The following PCDH7 variants were observed in gnomAD, a reference collection of about 807,000 sequenced individuals.
The protein encoded by PCDH7 is protocadherin-7.
A neutral mutation model predicts 58.9 loss-of-function variants in PCDH7; 17 were observed. The observed-to-expected ratio is 0.29, with a 90% CI of 0.20 to 0.43. The LOEUF is 0.43. Among genes scored for constraint, PCDH7 ranks in the 20% least tolerant of loss-of-function variants. PCDH7 has a pLI of 1.00. For synonymous variants in PCDH7, 664 were observed against 616.4 expected (o/e 1.08, Z -1.14); for missense variants, 1,274 against 1,441.0 (o/e 0.88, Z 1.88).
chr4:30,985,900 G>T (rs974782586), intron 3 of PCDH7, among the ~76,000 whole-genome samples: 1 of 151,888 alleles, frequency 6.6e-6, no homozygotes, highest in African/African-American at 2.4e-5. Context: ...ATCTCTTTTG[G>T]TTTATTTAGA....
intron 3 of PCDH7, among the ~76,000 whole-genome samples, chr4:30,994,656 G>A (rs4607173): frequency 0.47 from 71,667 of 151,776 alleles, 17,279 homozygotes; most frequent in East Asian, 0.73. Context: ...TTAACATTTA[G>A]GTTTCTGTGT....
At chr4:30,826,149 C>T (rs941392910) in intron 1 of PCDH7, among the ~76,000 whole-genome samples, 2 of 152,070 alleles carry the variant, frequency 1.3e-5, no homozygotes, top group East Asian at 1.9e-4. Flanking sequence ...CTATTCCATT[C>T]GATAACCTCA....
At chr4:30,736,825 C>T (rs929700126), downstream of PCDH7, among the ~76,000 whole-genome samples, 3 of 151,962 alleles carry the variant, frequency 2.0e-5, no homozygotes, top group African/African-American at 7.3e-5. Context: ...CGTGAGCCAC[C>T]GCGCCCGGCC....
intron 1 of PCDH7, among the ~76,000 whole-genome samples, chr4:30,901,151 T>A (rs1740166654): frequency 6.6e-6 from 1 of 152,124 alleles, no homozygotes; most frequent in Non-Finnish European, 1.5e-5. Context: ...GTAAATAAAG[T>A]GAATGAGAAG....
intron 2 of PCDH7, among the ~76,000 whole-genome samples, chr4:30,946,279 A>G (rs1421035126): frequency 1.3e-5 from 2 of 152,170 alleles, no homozygotes; most frequent in Non-Finnish European, 2.9e-5. Flanking sequence ...ATGTTTAATA[A>G]CGTAAGCAGA....
chr4:30,856,514 G>A (rs1352070174), intron 1 of PCDH7, among the ~76,000 whole-genome samples: 2 of 151,932 alleles, frequency 1.3e-5, no homozygotes, highest in Non-Finnish European at 2.9e-5. Context: ...ATTAAAAATG[G>A]AATCTGTATT....
At chr4:31,091,577 G>C (rs77267187) in intron 3 of PCDH7, among the ~76,000 whole-genome samples, 2,103 of 151,750 alleles carry the variant, frequency 0.014, 62 homozygotes, top group African/African-American at 0.047. Flanking sequence ...TTGGTTTAAG[G>C]TCTGTATTTT....
downstream of PCDH7, among the ~76,000 whole-genome samples, chr4:30,735,808 G>A (rs1190984521): frequency 6.6e-6 from 1 of 152,184 alleles, no homozygotes; most frequent in African/African-American, 2.4e-5. Context: ...TTGGGCCAGG[G>A]CCTTGGTGAC....
chr4:31,132,708 A>C (rs1480410153), intron 3 of PCDH7, among the ~76,000 whole-genome samples: 1 of 152,164 alleles, frequency 6.6e-6, no homozygotes, highest in Non-Finnish European at 1.5e-5. Context: ...TTAACTTATA[A>C]ACAGTGCCCC....
At chr4:30,997,508 G>A (rs1468299949) in intron 3 of PCDH7, among the ~76,000 whole-genome samples, 1 of 152,094 alleles carries the variant, frequency 6.6e-6, no homozygotes, top group African/African-American at 2.4e-5. Flanking sequence ...AAGTAAAATC[G>A]TTAAAACTGA....
intron 1 of PCDH7, among the ~76,000 whole-genome samples, chr4:30,792,047 G>A (rs1230200920): frequency 2.0e-5 from 3 of 152,058 alleles, no homozygotes; most frequent in Admixed American, 1.3e-4. Flanking sequence ...TCATTAAATA[G>A]CAAATGTGCT....
intron 2 of PCDH7, among the ~76,000 whole-genome samples, chr4:30,948,204 A>C (rs1746945143): frequency 6.6e-6 from 1 of 151,688 alleles, no homozygotes; most frequent in Admixed American, 6.6e-5. Flanking sequence ...CTGCTAATTC[A>C]TTATCCCATA....
downstream of PCDH7, among the ~76,000 whole-genome samples, chr4:30,736,195 T>G (rs760616956): frequency 2.6e-5 from 4 of 152,162 alleles, no homozygotes; most frequent in Non-Finnish European, 5.9e-5. Context: ...CAAAGGCCTG[T>G]TTTTCACTGT....
chr4:30,952,424 C>T (rs1051512708), intron 3 of PCDH7, among the ~76,000 whole-genome samples: 1 of 149,348 alleles, frequency 6.7e-6, no homozygotes, highest in Non-Finnish European at 1.5e-5. Flanking sequence ...TAAAGGAAAA[C>T]AGTGGATAAG....
chr4:30,928,287 C>G (rs9997990), intron 2 of PCDH7, among the ~76,000 whole-genome samples: 5,531 of 152,252 alleles, frequency 0.036, 332 homozygotes, highest in African/African-American at 0.13. Context: ...TCTCAATATT[C>G]CTCTTCTAAG....
rs182653762 is a variant in PCDH7, at chr4:31,017,490, T to G, written c.*7+67275T>G. 2.5e-3 allele frequency among the ~76,000 whole-genome samples: 376 copies of G among 152,232 alleles called. 1 individual carries two copies. The highest frequency in any genetic ancestry group is 8.7e-3 in the African/African-American group (362 of 41,534). ...CAGACTTTCGGAATCACTTATTGAC[T>G]GAATGAAGATATCCAGAGTAGAAGA... On this transcript the variant is annotated intron_variant, in intron 3 of 3. Coordinates refer to the PCDH7 transcript ENST00000509759.
At chr4:30,839,530 A>G (rs1325521949) in intron 1 of PCDH7, among the ~76,000 whole-genome samples, 3 of 152,088 alleles carry the variant, frequency 2.0e-5, no homozygotes, top group Non-Finnish European at 4.4e-5. Flanking sequence ...GGTCACGGTA[A>G]TTTTTATTTT....
At chr4:30,911,259 G>GT (rs2109405213) in intron 1 of PCDH7, among the ~76,000 whole-genome samples, 1 of 150,632 alleles carries the variant, frequency 6.6e-6, no homozygotes, top group East Asian at 2.0e-4. Flanking sequence ...GTATACCTAT[G>GT]TAACAAACCT....
intron 3 of PCDH7, among the ~76,000 whole-genome samples, chr4:30,993,416 A>C (rs1237365882): frequency 1.3e-5 from 2 of 152,228 alleles, no homozygotes; most frequent in African/African-American, 4.8e-5. Flanking sequence ...ATCGAGACTG[A>C]GTTAAAACAT....
Sources: allele counts gnomAD v4.1 joint callset (sites outside exome capture counted in the v4.1 genomes callset), GRCh38; gene constraint gnomAD v4.1.1; transcripts MANE v1.5; gene names NCBI Gene and HGNC (gene_info 2026-07-23, HGNC 2026-07-21).